PXDC1: variants seen among roughly 807,000 people sequenced by gnomAD.
The protein encoded by PXDC1 is PX domain-containing protein 1.
A neutral mutation model predicts 24.4 loss-of-function variants in PXDC1; 13 were observed. The ratio of observed to expected loss-of-function variants is 0.53; its 90% CI spans 0.35 to 0.85. PXDC1 has a LOEUF of 0.85. Among genes scored for constraint, PXDC1 ranks in the 40% least tolerant of loss-of-function variants. PXDC1 has a pLI of 0.01. For missense variants in PXDC1, 344 were observed against 309.3 expected (o/e 1.11, Z -0.84); for synonymous variants, 162 against 124.9 (o/e 1.30, Z -1.98).
Position 3,725,380 on chromosome 6 carries a change from GCCA to G in PXDC1, c.579-1647_579-1645del, listed in dbSNP as rs1471662583. On this transcript the variant is annotated intron_variant, in intron 4 of 4. Transcript: ENST00000380283. The surrounding 1 kb of genome is among the most constrained non-coding windows in gnomAD (Gnocchi z 4.8). ...CTCGGCCCTGGATGACCTCCCAGAA[GCCA>G]GGCAATCCCTTCGCCAGCTGAGACT... Among the ~76,000 whole-genome samples, 3 of 152,196 alleles carry G rather than the reference GCCA, an allele frequency of 2.0e-5. No homozygotes were observed. The highest frequency in any genetic ancestry group is 4.4e-5 in the Non-Finnish European group (3 of 68,022).
intron 1 of PXDC1, among the ~76,000 whole-genome samples, chr6:3,741,920 A>T (rs370559520): frequency 0.011 from 1,054 of 93,604 alleles, 5 homozygotes; most frequent in Non-Finnish European, 0.022. Context: ...AACACTTTTT[A>T]AAAAAAAACT....
rs949283925 is a variant in PXDC1 at position 3,724,800 on chromosome 6, C to G, written c.579-1064G>C. 2.0e-5 allele frequency among the ~76,000 whole-genome samples: 3 copies of G among 152,226 alleles called. No homozygotes were observed. The highest frequency in any genetic ancestry group is 7.2e-5 in the African/African-American group (3 of 41,450). ...TGGCCGGACACACAACAAGGCAGGG[C>G]GAGCATATGTCCCCCACAAACCTAG... On this transcript the variant is annotated intron_variant, in intron 4 of 4. Transcript: ENST00000380283. The surrounding 1 kb of genome is among the most constrained non-coding windows in gnomAD (Gnocchi z 4.5).
chr6:3,723,521 A>G lies in PXDC1; in HGVS notation c.*98T>C. The G allele has an allele frequency of 1.1e-6, 1 of 947,038 alleles. No homozygotes were observed. The allele number at this position is 947,038 out of a possible 1,614,324, so 58.7% of individuals were successfully genotyped here. A position where few individuals can be genotyped will look rare whatever the true frequency, so the allele number is the denominator to read the frequency against. On this transcript the variant is annotated 3_prime_UTR_variant, in exon 5 of 5. Transcript: ENST00000380283. The stretch of plus-strand genomic sequence containing the variant: ...GGGGCCTGGGACGTCTGGGAGTTCC[A>G]GAGCTGGGGCAGCAGCTGTGACCAT...
intron 1 of PXDC1, among the ~76,000 whole-genome samples, chr6:3,741,517 C>T (rs1473593976): frequency 6.6e-6 from 1 of 152,244 alleles, no homozygotes; most frequent in Non-Finnish European, 1.5e-5. Context: ...GATCAGCTTT[C>T]TCAGGACACT....
chr6:3,738,227 C>A (rs1356751590), intron 1 of PXDC1, 79 bp from the exon 2 acceptor site: 1 of 1,037,474 alleles, frequency 9.6e-7, no homozygotes, highest in African/African-American at 1.6e-5. Context: ...CAACAGGTGC[C>A]CACAAACCGC....
At chr6:3,738,779 T>C (rs1231628111) in intron 1 of PXDC1, 1 of 1,300,024 alleles carries the variant, frequency 7.7e-7, no homozygotes. Context: ...CAGCATAATA[T>C]TTTATTTTTA....
intron 1 of PXDC1, chr6:3,751,023 C>G (rs1202831397): frequency 1.8e-5 from 8 of 454,436 alleles, no homozygotes; most frequent in South Asian, 7.7e-5. Context: ...CCCGCCCTGC[C>G]GGCCTCGGCC....
intron 1 of PXDC1, among the ~76,000 whole-genome samples, chr6:3,745,924 C>T (rs1184010095): frequency 2.6e-5 from 4 of 152,188 alleles, no homozygotes; most frequent in East Asian, 1.9e-4. Context: ...AAAAGAGTTA[C>T]GTGGTCTGTC....
chr6:3,735,083 A>G (rs1760285073), intron 3 of PXDC1, among the ~76,000 whole-genome samples: 1 of 152,096 alleles, frequency 6.6e-6, no homozygotes, highest in Non-Finnish European at 1.5e-5. Flanking sequence ...ACCAACAAAC[A>G]AAACAACAAC....
At chr6:3,746,936 G>A in intron 1 of PXDC1, among the ~76,000 whole-genome samples, 1 of 152,116 alleles carries the variant, frequency 6.6e-6, no homozygotes, top group South Asian at 2.1e-4. Flanking sequence ...TAATGTCCCA[G>A]ATGCCAGTCC....
At chr6:3,733,307 A>G (rs953497815) in intron 3 of PXDC1, among the ~76,000 whole-genome samples, 1 of 152,194 alleles carries the variant, frequency 6.6e-6, no homozygotes, top group South Asian at 2.1e-4. Flanking sequence ...CATGCCAAAT[A>G]TGGGACCAAG....
At chr6:3,750,704 G>C (rs947533667) in intron 1 of PXDC1, among the ~76,000 whole-genome samples, 1 of 152,180 alleles carries the variant, frequency 6.6e-6, no homozygotes, top group Non-Finnish European at 1.5e-5. Flanking sequence ...GGGGGGCCCT[G>C]GCTGTCCGCG....
intron 3 of PXDC1, among the ~76,000 whole-genome samples, chr6:3,734,530 G>GC (rs1760272330): frequency 6.6e-6 from 1 of 152,098 alleles, no homozygotes; most frequent in Non-Finnish European, 1.5e-5. Context: ...GGACTCCAGA[G>GC]CCCTCTGTGA....
In PXDC1 at chr6:3,723,511, TG is replaced by T; in HGVS notation, c.*107del. 2 of 863,520 alleles carry T rather than the reference TG, an allele frequency of 2.3e-6. No individual in the cohort carries two copies. The highest frequency in any genetic ancestry group is 1.9e-6 in the Non-Finnish European group (1 of 520,158). 53.5% of individuals were successfully genotyped at this position (863,520 alleles called of 1,614,324 possible). On this transcript the variant is annotated 3_prime_UTR_variant, in exon 5 of 5. Coordinates refer to ENST00000380283, the MANE Select transcript of PXDC1 (RefSeq NM_183373.4). The stretch of plus-strand genomic sequence containing the variant: ...TGGCGTCAGTGGGGCCTGGGACGTC[TG>T]GGAGTTCCAGAGCTGGGGCAGCAGC...
At chr6:3,739,726 T>C (rs1393349878) in intron 1 of PXDC1, among the ~76,000 whole-genome samples, 1 of 152,238 alleles carries the variant, frequency 6.6e-6, no homozygotes, top group East Asian at 1.9e-4. Context: ...ACAACAAAAG[T>C]ACCAGACTCT....
intron 4 of PXDC1, among the ~76,000 whole-genome samples, chr6:3,726,803 G>A (rs974763272): frequency 3.3e-5 from 5 of 152,254 alleles, no homozygotes; most frequent in Admixed American, 2.6e-4. Context: ...GCCTCTGTGG[G>A]ACTCTCAAGC....
chr6:3,750,922 G>A (rs879302265), intron 1 of PXDC1, among the ~76,000 whole-genome samples: 1 of 151,914 alleles, frequency 6.6e-6, no homozygotes, highest in Admixed American at 6.6e-5. Flanking sequence ...TACCGGGCAG[G>A]GGGCTAGGGC....
At chr6:3,729,059 TC>T (rs1760137044) in intron 3 of PXDC1, among the ~76,000 whole-genome samples, 1 of 152,062 alleles carries the variant, frequency 6.6e-6, no homozygotes, top group Non-Finnish European at 1.5e-5. Context: ...CTAACAGCCC[TC>T]CCTCTCCCCT....
At chr6:3,749,931 G>A (rs1288698495) in intron 1 of PXDC1, among the ~76,000 whole-genome samples, 1 of 152,220 alleles carries the variant, frequency 6.6e-6, no homozygotes, top group African/African-American at 2.4e-5. Flanking sequence ...TTTGGGCATT[G>A]ATTTGTTAAA....
Sources: allele counts gnomAD v4.1 joint callset (sites outside exome capture counted in the v4.1 genomes callset), GRCh38; gene constraint gnomAD v4.1.1; non-coding constraint Gnocchi (gnomAD v3.1); transcripts MANE v1.5; gene names NCBI Gene and HGNC (gene_info 2026-07-23, HGNC 2026-07-21).